The following CSMD2 variants were observed in gnomAD, a reference collection of about 807,000 sequenced individuals.
CSMD2 encodes CUB and Sushi multiple domains 2, also known as CUB and sushi domain-containing protein 2.
In CSMD2, 130 loss-of-function variants were observed where a neutral mutation model predicts 398.5. The observed-to-expected ratio is 0.33, with a 90% CI of 0.28 to 0.38. The LOEUF (loss-of-function observed/expected upper bound fraction) is 0.38. Among genes scored for constraint, CSMD2 ranks in the 10% least tolerant of loss-of-function variants. The pLI is 1.00. For missense variants in CSMD2, 3,829 were observed against 4,764.9 expected, an observed-to-expected ratio of 0.80 and a Z score of 5.78; for synonymous variants, 1,828 against 1,908.5, an observed-to-expected ratio of 0.96 and a Z score of 1.10.
At chr1:34,016,856 G>A (rs1451704578) in intron 3 of CSMD2, among the ~76,000 whole-genome samples, 2 of 152,152 alleles carry the variant, frequency 1.3e-5, no homozygotes, top group Non-Finnish European at 2.9e-5. Flanking sequence ...TAGAAAACGT[G>A]CCACATTTAG....
rs150690422 is a variant in CSMD2 at position 34,021,440 on chromosome 1, C to T, written c.517+11154G>A. The stretch of plus-strand genomic sequence containing the variant: ...CCCCTTCTATCCACACGGGAGAAAT[C>T]ACATCCAGGTCCCCACCCAGTGGTT... On this transcript the variant is annotated intron_variant, in intron 3 of 70. Coordinates refer to ENST00000373381, the MANE Select transcript of CSMD2 (RefSeq NM_001281956.2). 9.6e-3 allele frequency among the ~76,000 whole-genome samples: 1,459 copies of T among 152,280 alleles called. 21 individuals are homozygous for T. The highest frequency in any genetic ancestry group is 0.033 in the African/African-American group (1,388 of 41,558).
intron 12 of CSMD2, among the ~76,000 whole-genome samples, chr1:33,783,055 C>G (rs911947288): frequency 3.3e-5 from 5 of 151,934 alleles, no homozygotes; most frequent in African/African-American, 1.2e-4. Flanking sequence ...AGCAGTGAAA[C>G]AGAAGTGGGA....
chr1:34,033,911 G>C lies in CSMD2; in HGVS notation c.405-1205C>G, dbSNP rs139424571. Among the ~76,000 whole-genome samples the C allele has an allele frequency of 2.6e-3, 394 of 152,130 alleles. 2 individuals carry two copies. The highest frequency in any genetic ancestry group is 4.1e-3 in the Non-Finnish European group (276 of 68,006). On this transcript the variant is annotated intron_variant, in intron 2 of 70. Transcript: ENST00000373381. The stretch of plus-strand genomic sequence containing the variant: ...CCCTTCCCACCATCCTAACCTTGTG[G>C]GATTCATGTTAACTCAGAATAGACT...
intron 3 of CSMD2, among the ~76,000 whole-genome samples, chr1:34,022,838 G>A (rs1301146880): frequency 1.3e-5 from 2 of 152,036 alleles, no homozygotes; most frequent in Non-Finnish European, 2.9e-5. Context: ...TGTTGGTTTG[G>A]TTTGTTTGTT....
intron 41 of CSMD2, among the ~76,000 whole-genome samples, chr1:33,608,433 C>T (rs903697728): frequency 1.1e-4 from 16 of 152,146 alleles, no homozygotes; most frequent in Non-Finnish European, 2.9e-5. Context: ...AGGAAGGTCT[C>T]AGGGAGAGAG....
intron 24 of CSMD2, among the ~76,000 whole-genome samples, chr1:33,694,883 C>G (rs993210802): frequency 9.2e-5 from 14 of 152,152 alleles, no homozygotes; most frequent in Admixed American, 5.2e-4. Flanking sequence ...GCAACAGGAC[C>G]TCTGCTGGCT....
At chr1:33,615,546 C>G (rs1273051673) in intron 39 of CSMD2, among the ~76,000 whole-genome samples, 1 of 152,146 alleles carries the variant, frequency 6.6e-6, no homozygotes, top group Non-Finnish European at 1.5e-5. Context: ...AAGTTCAAAA[C>G]CCTCCAGAAC....
chr1:33,616,756 A>G (rs1557627755), intron 39 of CSMD2, 150 bp downstream of exon 39: 3 of 592,050 alleles, frequency 5.1e-6, no homozygotes, highest in Non-Finnish European at 3.0e-6. Flanking sequence ...TAGAGATTAT[A>G]AAAACATCAG....
At chr1:34,089,578 C>T (rs1658319553) in intron 1 of CSMD2, among the ~76,000 whole-genome samples, 1 of 152,182 alleles carries the variant, frequency 6.6e-6, no homozygotes, top group African/African-American at 2.4e-5. Context: ...TCCTGGCTCT[C>T]AGCTAATTCC....
intron 25 of CSMD2, among the ~76,000 whole-genome samples, chr1:33,676,483 T>C (rs1183076700): frequency 6.6e-6 from 1 of 152,150 alleles, no homozygotes; most frequent in East Asian, 1.9e-4. Flanking sequence ...AGAAAGAACA[T>C]TCCATGCTCA....
chr1:33,806,358 C>T (rs1656229508), intron 10 of CSMD2, among the ~76,000 whole-genome samples: 1 of 152,154 alleles, frequency 6.6e-6, no homozygotes, highest in Admixed American at 6.5e-5. Flanking sequence ...TTTGAAACCT[C>T]CATACTGAGA....
At chr1:34,107,989 C>T (rs1049766176) in intron 1 of CSMD2, among the ~76,000 whole-genome samples, 1 of 152,214 alleles carries the variant, frequency 6.6e-6, no homozygotes, top group East Asian at 1.9e-4. Context: ...CAGGACCACG[C>T]CTGACTCACT....
intron 4 of CSMD2, among the ~76,000 whole-genome samples, chr1:33,926,450 G>T (rs1456344534): frequency 6.6e-6 from 1 of 152,150 alleles, no homozygotes; most frequent in African/African-American, 2.4e-5. Flanking sequence ...GAGATCCTCT[G>T]GCCAGAGCTA....
intron 13 of CSMD2, among the ~76,000 whole-genome samples, chr1:33,750,831 A>G (rs1055942154): frequency 6.6e-6 from 1 of 152,204 alleles, no homozygotes; most frequent in Non-Finnish European, 1.5e-5. Context: ...AGAAGAAAAT[A>G]TAAGGAATAT....
chr1:34,105,634 C>CA (rs2148426089), intron 1 of CSMD2, among the ~76,000 whole-genome samples: 1 of 152,176 alleles, frequency 6.6e-6, no homozygotes, highest in South Asian at 2.1e-4. Context: ...ATATGTAAAA[C>CA]AAAATACATA....
intron 12 of CSMD2, among the ~76,000 whole-genome samples, chr1:33,779,526 C>T (rs1445194994): frequency 2.6e-5 from 4 of 152,172 alleles, no homozygotes; most frequent in East Asian, 1.9e-4. Context: ...GTGTTATTGT[C>T]GCTGCTGTTT....
intron 13 of CSMD2, among the ~76,000 whole-genome samples, chr1:33,766,796 C>A (rs1437661057): frequency 6.6e-6 from 1 of 152,208 alleles, no homozygotes; most frequent in Non-Finnish European, 1.5e-5. Flanking sequence ...AAGTTGTTAT[C>A]TTTAGAAAAG....
At chr1:33,888,307 C>T (rs544057005) in intron 5 of CSMD2, among the ~76,000 whole-genome samples, 16 of 152,184 alleles carry the variant, frequency 1.1e-4, no homozygotes, top group African/African-American at 3.9e-4. Flanking sequence ...CAATTGTCAA[C>T]AAATATTTTC....
At chr1:33,798,402 T>C (rs1018830546) in intron 10 of CSMD2, among the ~76,000 whole-genome samples, 3 of 152,170 alleles carry the variant, frequency 2.0e-5, no homozygotes, top group Admixed American at 2.0e-4. Context: ...GAGTAGAATC[T>C]AAATGCCCAG....
Sources: allele counts gnomAD v4.1 joint callset (sites outside exome capture counted in the v4.1 genomes callset), GRCh38; gene constraint gnomAD v4.1.1; transcripts MANE v1.5; gene names NCBI Gene and HGNC (gene_info 2026-07-23, HGNC 2026-07-21).